The following ACAD10 variants were observed in gnomAD, a reference collection of about 807,000 sequenced individuals.
The protein encoded by ACAD10 is ACAD-10.
ACAD10 carries 112 observed loss-of-function variants against 116.8 expected under a neutral mutation model. The observed-to-expected ratio is 0.96, with a 90% CI of 0.82 to 1.12. The LOEUF is 1.12. Ranked by LOEUF, ACAD10 falls within the 50% of genes most tolerant of loss-of-function variation. The pLI, the probability that ACAD10 is intolerant of heterozygous loss-of-function variation, is 0.00. For missense variants in ACAD10, 1,259 were observed against 1,350.2 expected (o/e 0.93, Z 1.06); for synonymous variants, 486 against 510.6 (o/e 0.95, Z 0.65).
At position 111,693,116 on chromosome 12, in the gene ACAD10, T is replaced by C. The variant is rs147424162; in HGVS notation, c.187+220T>C. ...CTTTCCTCATCATTAAATGAGCTAA[T>C]GGTAGTGCCTTCCTCCTTGGGATTT... On this transcript the variant is annotated intron_variant, in intron 2 of 20. Coordinates refer to ENST00000313698, the MANE Select transcript of ACAD10 (RefSeq NM_025247.6). 713 of 559,462 alleles carry C rather than the reference T, an allele frequency of 1.3e-3. 14 individuals carry two copies. In the East Asian group the frequency reaches 0.022, roughly 17 times the overall value. The allele number at this position is 559,462 out of a possible 1,614,324, so 34.7% of individuals were successfully genotyped here.
At chr12:111,725,811 G>A (rs2135970832) in intron 8 of ACAD10, among the ~76,000 whole-genome samples, 1 of 151,974 alleles carries the variant, frequency 6.6e-6, no homozygotes, top group Admixed American at 6.6e-5. Flanking sequence ...CTGGATTACA[G>A]GTATGAGCCA....
intron 6 of ACAD10, among the ~76,000 whole-genome samples, chr12:111,714,052 C>G (rs1566149692): frequency 6.6e-6 from 1 of 151,984 alleles, no homozygotes; most frequent in Admixed American, 6.6e-5. Context: ...TGAGAGCAGC[C>G]TGGCCAATAT....
intron 12 of ACAD10, among the ~76,000 whole-genome samples, chr12:111,739,690 G>A (rs554559973): frequency 7.9e-5 from 12 of 152,038 alleles, no homozygotes; most frequent in Non-Finnish European, 1.8e-4. Flanking sequence ...CCCAGGAGGC[G>A]GAGGTTGCGG....
At chr12:111,753,640 A>T in intron 18 of ACAD10, 132 bp from the exon 19 acceptor site, 2 of 1,210,640 alleles carry the variant, frequency 1.7e-6, no homozygotes, top group Non-Finnish European at 2.4e-6. Flanking sequence ...GAAGATGCAC[A>T]GTCCTGGTTT....
chr12:111,701,302 C>G (rs1484546405), intron 2 of ACAD10, among the ~76,000 whole-genome samples: 1 of 152,188 alleles, frequency 6.6e-6, no homozygotes, highest in African/African-American at 2.4e-5. Context: ...CACAAATGTT[C>G]CCAGTATTCT....
In ACAD10 at chr12:111,756,693, G is replaced by T. The variant is rs1308200544; in HGVS notation, c.*220G>T. 3 of 787,388 alleles carry T rather than the reference G, an allele frequency of 3.8e-6. No individual in the cohort carries two copies. In the African/African-American group the frequency reaches 5.1e-5, roughly 13 times the overall value. The allele number at this position is 787,388 out of a possible 1,614,324, so 48.8% of individuals were successfully genotyped here. On this transcript the variant is annotated 3_prime_UTR_variant, in exon 21 of 21. Transcript: ENST00000313698. Reference sequence around the variant, plus strand: ...TCAGGCCAGGAGGAGGGGATTTGCTGAGGGCCAAGGGGGTTCTGGGACAGA... The same window carrying T: ...TCAGGCCAGGAGGAGGGGATTTGCTTAGGGCCAAGGGGGTTCTGGGACAGA...
chr12:111,694,290 G>A (rs899894345), intron 2 of ACAD10, among the ~76,000 whole-genome samples: 2 of 151,982 alleles, frequency 1.3e-5, no homozygotes, highest in Non-Finnish European at 2.9e-5. Context: ...TCCTTCACTC[G>A]TATCTCTGTC....
chr12:111,742,812 C>T (rs557312589), intron 12 of ACAD10, among the ~76,000 whole-genome samples: 4 of 152,228 alleles, frequency 2.6e-5, no homozygotes, highest in East Asian at 3.9e-4. Flanking sequence ...TGGGTTCAAG[C>T]GATTCTCCTG....
chr12:111,722,881 G>T (rs1344163961), intron 8 of ACAD10, among the ~76,000 whole-genome samples: 1 of 151,984 alleles, frequency 6.6e-6, no homozygotes, highest in Non-Finnish European at 1.5e-5. Flanking sequence ...ATCCTGGCCC[G>T]TTCTCAATGA....
At chr12:111,750,163 C>T (rs1487342954) in intron 18 of ACAD10, among the ~76,000 whole-genome samples, 1 of 148,870 alleles carries the variant, frequency 6.7e-6, no homozygotes, top group East Asian at 2.1e-4. Flanking sequence ...GCGATCTTGG[C>T]TCACTGCAAC....
intron 5 of ACAD10, chr12:111,710,024 A>AT: frequency 2.9e-6 from 1 of 343,522 alleles, no homozygotes; most frequent in Non-Finnish European, 5.5e-6. Context: ...CATGCAGGCC[A>AT]TGCAGCTCAC....
chr12:111,752,133 G>A lies in ACAD10; in HGVS notation c.2818-1639G>A, dbSNP rs1047431044. 7.9e-5 allele frequency among the ~76,000 whole-genome samples: 12 copies of A among 151,902 alleles called. 1 individual carries two copies. The South Asian group carries it at 2.1e-3, about 26-fold the overall frequency. ...CTAGCTACTCAGGAGGCTGAGGTGG[G>A]AGGATCTCCTGAGCCTGGGAGGTCG... On this transcript the variant is annotated intron_variant, in intron 18 of 20. Transcript: ENST00000313698.
At chr12:111,732,362 G>T (rs1566160097) in intron 10 of ACAD10, among the ~76,000 whole-genome samples, 1 of 152,014 alleles carries the variant, frequency 6.6e-6, no homozygotes, top group Non-Finnish European at 1.5e-5. Context: ...TTTCAAAAGG[G>T]TAATATATCA....
Position 111,702,197 on chromosome 12 carries a change from A to G in ACAD10, c.223A>G (p.Ile75Val), listed in dbSNP as rs748402245. 132 of 1,614,000 alleles carry G rather than the reference A, an allele frequency of 8.2e-5. No homozygotes were observed. In the East Asian group the frequency reaches 2.8e-3, roughly 34 times the overall value. The change falls in exon 3 of 21, where the codon ATA becomes GTA. Residue 75 changes from isoleucine to valine, a missense_variant. By Grantham distance (29) the Ile-to-Val change is conservative. Transcript: ENST00000313698. The part of the protein sequence containing the change: ...EVQNRIPSGT[I>V]LKALMEGGEN... ...ACAGAATCGTATCCCTTCTGGAACT[A>G]TATTAAAGGCCTTGATGGAAGGTGG...
intron 2 of ACAD10, 28 bp from the exon 3 acceptor site, chr12:111,702,134 C>T: frequency 6.2e-7 from 1 of 1,606,150 alleles, no homozygotes; most frequent in Non-Finnish European, 8.5e-7. Flanking sequence ...TCAATGTATT[C>T]CACTTTTGCA....
chr12:111,696,059 T>C (rs1220891489), intron 2 of ACAD10, among the ~76,000 whole-genome samples: 1 of 151,270 alleles, frequency 6.6e-6, no homozygotes, highest in Non-Finnish European at 1.5e-5. Flanking sequence ...ATTACTGTAC[T>C]ATACTATTTT....
At position 111,710,165 on chromosome 12, in the gene ACAD10, C is replaced by G. The variant is rs1333925441; in HGVS notation, c.690+481C>G. 7 of 375,260 alleles carry G rather than the reference C, an allele frequency of 1.9e-5. No individual in the cohort carries two copies. In the East Asian group the frequency reaches 7.0e-4, roughly 37 times the overall value. 23.2% of individuals were successfully genotyped at this position (375,260 alleles called of 1,614,324 possible). On this transcript the variant is annotated intron_variant, in intron 5 of 20. Coordinates refer to ENST00000313698, the MANE Select transcript of ACAD10 (RefSeq NM_025247.6). ...AGTGCAGTGGTGCAATCATAGCTCA[C>G]TGTAGCCTCAACCTCCTGGGCTTAA...
At chr12:111,725,184 A>G (rs1889177408) in intron 8 of ACAD10, among the ~76,000 whole-genome samples, 2 of 152,098 alleles carry the variant, frequency 1.3e-5, no homozygotes, top group African/African-American at 2.4e-5. Context: ...ACCTTTTGAA[A>G]TAAGTTTCAG....
Position 111,747,056 on chromosome 12 carries a change from A to G in ACAD10, c.2264A>G (p.Asn755Ser). Residue 755 changes from asparagine to serine, a missense_variant, in exon 15 of 21, where the codon AAC becomes AGC. Physicochemically the swap from Asn to Ser is conservative, Grantham distance 46. Coordinates refer to ENST00000313698, the MANE Select transcript of ACAD10 (RefSeq NM_025247.6). ...GTSLYAPEVC[N>S]CSAPDTGNME... ...GCTCCTTTTCCTTCTCAGGTATGTA[A>G]CTGCTCTGCGCCTGACACGGGCAAC... The G allele has an allele frequency of 1.3e-6, 2 of 1,598,800 alleles. No individual in the cohort carries two copies. Among genetic ancestry groups the G allele is most frequent in the South Asian group, 1.1e-5 (1 of 89,452 alleles).
Sources: allele counts gnomAD v4.1 joint callset (sites outside exome capture counted in the v4.1 genomes callset), GRCh38; gene constraint gnomAD v4.1.1; transcripts MANE v1.5; gene names NCBI Gene and HGNC (gene_info 2026-07-23, HGNC 2026-07-21).